Variants in ZNF236 observed in about 807,000 individuals in gnomAD.
The protein encoded by ZNF236 is zinc finger protein 236, also known as regulated by glucose.
Under a neutral mutation model 191.2 loss-of-function variants are expected in ZNF236, and 50 were observed. The observed-to-expected ratio is 0.26, with a 90% CI of 0.21 to 0.33. The LOEUF is 0.33. Ranked by LOEUF, ZNF236 falls within the 10% of genes least tolerant of loss-of-function variation. The pLI is 1.00. For missense variants in ZNF236, 1,754 were observed against 2,374.5 expected (o/e 0.74, Z 5.43); for synonymous variants, 907 against 928.8 (o/e 0.98, Z 0.43).
chr18:76,908,727 C>T (rs1185937783), intron 14 of ZNF236, among the ~76,000 whole-genome samples, 154 bp downstream of exon 14: 2 of 152,184 alleles, frequency 1.3e-5, no homozygotes, highest in African/African-American at 4.8e-5. Context: ...GATATCATTC[C>T]ATGTCCTCTT....
At chr18:76,926,172 C>T (rs1967671384) in intron 22 of ZNF236, among the ~76,000 whole-genome samples, 1 of 152,192 alleles carries the variant, frequency 6.6e-6, no homozygotes, top group South Asian at 2.1e-4. Flanking sequence ...ATATGAGTAT[C>T]CATTTCACAG....
chr18:76,841,461 A>G (rs750408711), intron 1 of ZNF236, among the ~76,000 whole-genome samples: 3 of 152,232 alleles, frequency 2.0e-5, no homozygotes, highest in Non-Finnish European at 4.4e-5. Context: ...CTGAACAGAT[A>G]TTTATCATGT....
At chr18:76,929,041 C>T (rs781637405) in intron 25 of ZNF236, among the ~76,000 whole-genome samples, 1 of 147,302 alleles carries the variant, frequency 6.8e-6, no homozygotes, top group Non-Finnish European at 1.5e-5. Flanking sequence ...CTGAAACACA[C>T]CTGTGGAGAA....
At chr18:76,889,062 G>C (rs981982221) in intron 9 of ZNF236, among the ~76,000 whole-genome samples, 1 of 152,148 alleles carries the variant, frequency 6.6e-6, no homozygotes, top group African/African-American at 2.4e-5. Flanking sequence ...TCTGACTCTT[G>C]CTAGTCCCAC....
At chr18:76,949,661 C>CT (rs779360324) in intron 27 of ZNF236, among the ~76,000 whole-genome samples, 5,779 of 141,678 alleles carry the variant, frequency 0.041, 346 homozygotes, top group African/African-American at 0.13. Flanking sequence ...CATTATTTCT[C>CT]TTTTTTTTTT....
At chr18:76,938,814 G>A (rs564429828) in intron 26 of ZNF236, among the ~76,000 whole-genome samples, 51 of 152,254 alleles carry the variant, frequency 3.3e-4, no homozygotes, top group African/African-American at 1.2e-3. Context: ...CCTACGTCGT[G>A]CCCCCAGGGA....
Position 76,927,361 on chromosome 18 carries a change from C to A in ZNF236, c.4258C>A (p.Gln1420Lys), listed in dbSNP as rs375477935. ...CACGGGGGAGCCTGGCCTGGCCCCA[C>A]AGAACAGCTCTCTCCAGACATCGGA... ...QLTGEPGLAPQNSSLQTSDST... is the reference protein window; with the variant it reads ...QLTGEPGLAPKNSSLQTSDST... The change falls in exon 24 of 31, where the codon CAG (glutamine) becomes AAG (lysine). Residue 1420 changes from glutamine (Q) to lysine (K), a missense_variant. Around this residue, in one of 5 missense-constraint regions of ZNF236, gnomAD observed 606 missense variants for 761.5 expected, o/e 0.80. Transcript: ENST00000320610. The surrounding 1 kb of genome is among the most constrained non-coding windows in gnomAD (Gnocchi z 5.4). The A allele has an allele frequency of 6.8e-6, 11 of 1,614,100 alleles. No individual in the cohort carries two copies. In the African/African-American group the frequency reaches 1.3e-4, roughly 20 times the overall value.
Position 76,960,529 on chromosome 18 carries a change from C to A in ZNF236, c.5243-150C>A. 2.0e-6 allele frequency: 2 copies of A among 1,017,384 alleles called. No individual in the cohort carries two copies. The highest frequency in any genetic ancestry group is 3.0e-6 in the Non-Finnish European group (2 of 677,870). The allele number at this position is 1,017,384 out of a possible 1,614,324, so 63.0% of individuals were successfully genotyped here. A position where few individuals can be genotyped will look rare whatever the true frequency, so the allele number is the denominator to read the frequency against. On this transcript the variant is annotated intron_variant, in intron 29 of 30. Coordinates refer to ENST00000320610, the MANE Select transcript of ZNF236 (RefSeq NM_001306089.2). The surrounding 1 kb of genome is among the most constrained non-coding windows in gnomAD (Gnocchi z 4.4). Reference sequence around the variant, plus strand: ...CAGGCTCCCTCTGGTCTCCCTATGGCTCCTCCAGCCCTTTGTTCAGATGAC... The same window carrying A: ...CAGGCTCCCTCTGGTCTCCCTATGGATCCTCCAGCCCTTTGTTCAGATGAC...
At chr18:76,894,876 T>C (rs563611964) in intron 9 of ZNF236, 137 bp from the exon 10 acceptor site, 3 of 1,180,534 alleles carry the variant, frequency 2.5e-6, no homozygotes, top group Admixed American at 4.2e-5. Context: ...CCCTCGATAA[T>C]GTCAGTGATC....
intron 1 of ZNF236, among the ~76,000 whole-genome samples, chr18:76,847,050 C>T (rs1568192783): frequency 6.6e-6 from 1 of 152,136 alleles, no homozygotes; most frequent in South Asian, 2.1e-4. Context: ...ACCCTGGGCT[C>T]CCAGAGTGTT....
At chr18:76,882,337 A>T (rs899111404) in intron 9 of ZNF236, among the ~76,000 whole-genome samples, 5 of 152,136 alleles carry the variant, frequency 3.3e-5, no homozygotes, top group Non-Finnish European at 5.9e-5. Flanking sequence ...CACAGCACTT[A>T]GAGTGTTTAG....
At position 76,955,937 on chromosome 18, in the gene ZNF236, C is replaced by T. The variant is rs776900702; in HGVS notation, c.4915-48C>T. 3 of 1,571,904 alleles carry T rather than the reference C, an allele frequency of 1.9e-6. No individual in the cohort carries two copies. In the South Asian group the frequency reaches 3.5e-5, roughly 18 times the overall value. On this transcript the variant is annotated intron_variant, in intron 27 of 30. Transcript: ENST00000320610. ...GGTGTGTGTCAGTTCACAAACTGCA[C>T]AAATCAAGCCAAGTGAGTGGAAAGT...
intron 3 of ZNF236, among the ~76,000 whole-genome samples, chr18:76,853,905 G>A (rs1465134074): frequency 6.6e-6 from 1 of 151,918 alleles, no homozygotes; most frequent in Non-Finnish European, 1.5e-5. Flanking sequence ...AGCTACTCCG[G>A]AGGCTAAGGC....
Position 76,972,135 on chromosome 18 carries a change from C to G in ZNF236, c.*3796C>G, listed in dbSNP as rs905799643. Among the ~76,000 whole-genome samples, 3 of 152,232 alleles carry G rather than the reference C, an allele frequency of 2.0e-5. No individual in the cohort carries two copies. The highest frequency in any genetic ancestry group is 7.2e-5 in the African/African-American group (3 of 41,470). ...TAGAATGAAATTTCAAAAGCGCCTA[C>G]ACGCACCACCCAATTTAATGTCGTA... On this transcript the variant is annotated 3_prime_UTR_variant, in exon 31 of 31. Transcript: ENST00000320610.
chr18:76,843,022 C>T lies in ZNF236; in HGVS notation c.56-6504C>T, dbSNP rs72983346. 6.1e-3 allele frequency among the ~76,000 whole-genome samples: 923 copies of T among 152,248 alleles called. 7 individuals carry two copies. Among genetic ancestry groups the T allele is most frequent in the Non-Finnish European group, 9.2e-3 (628 of 68,024 alleles). On this transcript the variant is annotated intron_variant, in intron 1 of 30. Transcript: ENST00000320610. ...CTGTGGCTGGTGCTGTTACCCAGTC[C>T]GAGCATTTGGCTTTCTGAGGGACTC...
At chr18:76,846,171 C>G (rs1298552837) in intron 1 of ZNF236, among the ~76,000 whole-genome samples, 1 of 152,106 alleles carries the variant, frequency 6.6e-6, no homozygotes, top group African/African-American at 2.4e-5. Context: ...AGACTGGTCT[C>G]AAACTACTGG....
chr18:76,963,461 G>A (rs1329191943), intron 30 of ZNF236, among the ~76,000 whole-genome samples: 1 of 152,132 alleles, frequency 6.6e-6, no homozygotes, highest in African/African-American at 2.4e-5. Context: ...TTTGATATGT[G>A]CTGGATTCGG....
At chr18:76,924,846 T>C (rs942417728) in intron 21 of ZNF236, among the ~76,000 whole-genome samples, 1 of 152,174 alleles carries the variant, frequency 6.6e-6, no homozygotes, top group African/African-American at 2.4e-5. Context: ...GTGACAGTAA[T>C]TCAGAGCCGG....
In ZNF236 at chr18:76,927,672, C is replaced by T. The variant is rs1484245505; in HGVS notation, c.4414+155C>T. Among the ~76,000 whole-genome samples, 2 of 152,160 alleles carry T rather than the reference C, an allele frequency of 1.3e-5. No individual in the cohort carries two copies. The highest frequency in any genetic ancestry group is 4.8e-5 in the African/African-American group (2 of 41,436). ...CTGAGAATAAAATAAGCTTTTCTTA[C>T]AATTAATGATATGTATTTAATATAT... On this transcript the variant is annotated intron_variant, in intron 24 of 30. Coordinates refer to ENST00000320610, the MANE Select transcript of ZNF236 (RefSeq NM_001306089.2). This position sits in a 1 kb window ranked among gnomAD's most constrained non-coding sequence, Gnocchi z 5.4.
Sources: gnomAD v4.1 joint callset for allele counts (sites outside exome capture counted in the v4.1 genomes callset) on GRCh38, gnomAD v4.1.1 for gene constraint, gnomAD v4.1.1 regional missense constraint, Gnocchi (gnomAD v3.1) non-coding constraint, MANE v1.5 for transcripts, NCBI Gene and HGNC (gene_info 2026-07-23, HGNC 2026-07-21) for gene names.